Variants in KAT14 observed in about 807,000 individuals in gnomAD.
KAT14 encodes the protein lysine acetyltransferase 14, also known as cysteine-rich protein 2-binding protein.
A neutral mutation model predicts 78.4 loss-of-function variants in KAT14; 66 were observed. The ratio of observed to expected loss-of-function variants is 0.84; its 90% CI spans 0.69 to 1.03. KAT14 has a LOEUF of 1.03. Ranked by LOEUF, KAT14 falls within the 50% of genes least tolerant of loss-of-function variation. The probability of loss-of-function intolerance (pLI) is 0.00; values close to 1 mark genes in which losing one functional copy is unlikely to be tolerated. For synonymous variants in KAT14, 344 were observed against 359.4 expected, an observed-to-expected ratio of 0.96 and a Z score of 0.48; for missense variants, 870 against 972.5, an observed-to-expected ratio of 0.89 and a Z score of 1.40.
chr20:18,145,497 G>A (rs1741019629), intron 3 of KAT14, 146 bp downstream of exon 3: 13 of 1,274,320 alleles, frequency 1.0e-5, no homozygotes, highest in African/African-American at 1.5e-5. Context: ...CCGAATATGT[G>A]GAGAAGGGAG....
At chr20:18,183,034 G>C in intron 8 of KAT14, 89 bp from the exon 9 acceptor site, 1 of 1,501,490 alleles carries the variant, frequency 6.7e-7, no homozygotes, top group Non-Finnish European at 8.9e-7. Flanking sequence ...GTTTCAAGCA[G>C]ATCAAAGAGT....
chr20:18,169,095 C>T (rs887897035), intron 7 of KAT14, among the ~76,000 whole-genome samples: 6 of 152,012 alleles, frequency 3.9e-5, no homozygotes, highest in African/African-American at 1.4e-4. Context: ...TACAAATAAG[C>T]CCATCATCAA....
At chr20:18,148,166 C>T (rs2146363959) in intron 3 of KAT14, among the ~76,000 whole-genome samples, 1 of 152,288 alleles carries the variant, frequency 6.6e-6, no homozygotes, top group East Asian at 1.9e-4. Context: ...AAATTTTAAA[C>T]TTTGAAAGAT....
At position 18,142,450 on chromosome 20, in the gene KAT14, G is replaced by C; in HGVS notation, c.-211G>C. The C allele has an allele frequency of 6.9e-7, 1 of 1,456,928 alleles. No homozygotes were observed. The highest frequency in any genetic ancestry group is 1.5e-5 in the South Asian group (1 of 68,546). 90.3% of individuals were successfully genotyped at this position (1,456,928 alleles called of 1,614,324 possible). On this transcript the variant is annotated 5_prime_UTR_variant, in exon 2 of 11. Transcript: ENST00000688188. ...TAGTAGTATCTTCATCTTTTTTTTT[G>C]GTCACTGTCCTTTTAAACTTGATCA... is the stretch of plus-strand genomic sequence containing the variant.
At chr20:18,145,373 A>G (rs2037787823) in intron 3 of KAT14, 22 bp downstream of exon 3, 1 of 1,613,148 alleles carries the variant, frequency 6.2e-7, no homozygotes, top group African/African-American at 1.3e-5. Flanking sequence ...GCCCTTCCCC[A>G]AATCCATGAG....
chr20:18,139,642 G>A (rs1416506994), intron 1 of KAT14, among the ~76,000 whole-genome samples: 4 of 76,976 alleles, frequency 5.2e-5, no homozygotes, highest in Non-Finnish European at 9.7e-5. Flanking sequence ...ACGTGTGTGT[G>A]TGTGTGTGTG....
chr20:18,169,314 A>C (rs1410904375), intron 7 of KAT14, among the ~76,000 whole-genome samples: 1 of 152,172 alleles, frequency 6.6e-6, no homozygotes, highest in Non-Finnish European at 1.5e-5. Context: ...ATTTTGTACA[A>C]ATGGAAGGTT....
At chr20:18,152,528 G>A (rs1374887630) in intron 4 of KAT14, among the ~76,000 whole-genome samples, 1 of 152,240 alleles carries the variant, frequency 6.6e-6, no homozygotes, top group African/African-American at 2.4e-5. Flanking sequence ...AGTGAGCTGA[G>A]ATGGGGCCAC....
chr20:18,140,256 G>GCA (rs1462991954), intron 1 of KAT14, among the ~76,000 whole-genome samples: 1 of 151,950 alleles, frequency 6.6e-6, no homozygotes, highest in Non-Finnish European at 1.5e-5. Context: ...AGTGGAATAA[G>GCA]CACCTCCGTT....
intron 8 of KAT14, among the ~76,000 whole-genome samples, chr20:18,182,204 C>T (rs1009396942): frequency 6.6e-6 from 1 of 151,992 alleles, no homozygotes; most frequent in African/African-American, 2.4e-5. Context: ...TCACTGTAAC[C>T]TCTGCCTCCG....
chr20:18,144,264 T>A (rs2037731550), intron 2 of KAT14, among the ~76,000 whole-genome samples: 1 of 152,022 alleles, frequency 6.6e-6, no homozygotes, highest in South Asian at 2.1e-4. Context: ...GAGCGGTCTC[T>A]GTTATTGATT....
At position 18,159,076 on chromosome 20, in the gene KAT14, C is replaced by T. The variant is rs1429622160; in HGVS notation, c.501-8C>T. On this transcript the variant is annotated splice_region_variant and splice_polypyrimidine_tract_variant and intron_variant, in intron 4 of 10. Transcript: ENST00000688188. ...TGCCAATCATTTTTAAATTCTTGGA[C>T]TCTTTAGGAAAAAGACGTCTACCTG... is the stretch of plus-strand genomic sequence containing the variant. 1 of 1,591,114 alleles carries T rather than the reference C, an allele frequency of 6.3e-7. No individual in the cohort carries two copies. The highest frequency in any genetic ancestry group is 8.5e-7 in the Non-Finnish European group (1 of 1,173,364).
In KAT14 at chr20:18,143,083, G is replaced by A. The variant is rs1397490664; in HGVS notation, c.259+164G>A. 5 of 1,407,188 alleles carry A rather than the reference G, an allele frequency of 3.6e-6. No individual in the cohort carries two copies. The South Asian group carries it at 4.7e-5, about 13-fold the overall frequency. 87.2% of individuals were successfully genotyped at this position (1,407,188 alleles called of 1,614,324 possible). On this transcript the variant is annotated intron_variant, in intron 2 of 10. Transcript: ENST00000688188. ...ATTTATATAAAACATAGGCATGTTT[G>A]TACTAATGAAACGTACTGTCAACCT...
Position 18,174,963 on chromosome 20 carries a change from C to T in KAT14, c.1669-6747C>T, listed in dbSNP as rs113240121. Among the ~76,000 whole-genome samples the T allele has an allele frequency of 9.9e-5, 15 of 152,150 alleles. 1 individual carries two copies. The highest frequency in any genetic ancestry group is 4.2e-4 in the South Asian group (2 of 4,816). On this transcript the variant is annotated intron_variant, in intron 7 of 10. Coordinates refer to ENST00000688188, the MANE Select transcript of KAT14 (RefSeq NM_001392073.1). ...TACAGGCATGAGCCACCGCGCCCGG[C>T]GATTTTCTTGCACTTTTTATTTATG...
At chr20:18,138,585 C>A in intron 1 of KAT14, 1 of 423,396 alleles carries the variant, frequency 2.4e-6, no homozygotes, top group Non-Finnish European at 3.2e-6. Context: ...CGTACTCACT[C>A]TCCATGCCTT....
At chr20:18,183,768 A>G (rs1260263787) in intron 9 of KAT14, among the ~76,000 whole-genome samples, 1 of 152,242 alleles carries the variant, frequency 6.6e-6, no homozygotes, top group Non-Finnish European at 1.5e-5. Flanking sequence ...AACCCAATAT[A>G]ATTTGTCATT....
Position 18,141,035 on chromosome 20 carries a change from T to G in KAT14, c.-453-1173T>G, listed in dbSNP as rs1334388239. Among the ~76,000 whole-genome samples, 12 of 19,758 alleles carry G rather than the reference T, an allele frequency of 6.1e-4. No homozygotes were observed. The South Asian group carries it at 0.011, about 17-fold the overall frequency. 13.0% of individuals were successfully genotyped at this position (19,758 alleles called of 152,430 possible). Reference sequence around the variant, plus strand: ...ACCACTCCCTGCAATTTTTTTTTTTTTTTTTTTTTTTATTTTTATTTTTGC... The same window carrying G: ...ACCACTCCCTGCAATTTTTTTTTTTGTTTTTTTTTTTATTTTTATTTTTGC... On this transcript the variant is annotated intron_variant, in intron 1 of 10. Transcript: ENST00000688188.
intron 7 of KAT14, among the ~76,000 whole-genome samples, chr20:18,175,494 C>A (rs1177128542): frequency 6.6e-6 from 1 of 152,118 alleles, no homozygotes; most frequent in Non-Finnish European, 1.5e-5. Flanking sequence ...TCGTACCCAG[C>A]CACCTGTCGC....
At position 18,139,632 on chromosome 20, in the gene KAT14, A is replaced by AGGTGTGTGTG. The variant is rs1203664163; in HGVS notation, c.-454+1581_-454+1582insGGTGTGTGTG. ...AAGTTAGAGCTGAAGAACCAAAATA[A>AGGTGTGTGTG]CGTGTGTGTGTGTGTGTGTGTGTGT... is the stretch of plus-strand genomic sequence containing the variant. On this transcript the variant is annotated intron_variant, in intron 1 of 10. Transcript: ENST00000688188. 4.3e-3 allele frequency among the ~76,000 whole-genome samples: 434 copies of AGGTGTGTGTG among 99,850 alleles called. 3 individuals carry two copies. Among genetic ancestry groups the AGGTGTGTGTG allele is most frequent in the South Asian group, 8.3e-3 (22 of 2,642 alleles). 65.5% of individuals were successfully genotyped at this position (99,850 alleles called of 152,430 possible). A position where few individuals can be genotyped will look rare whatever the true frequency, so the allele number is the denominator to read the frequency against.
Sources: allele counts gnomAD v4.1 joint callset (sites outside exome capture counted in the v4.1 genomes callset), GRCh38; gene constraint gnomAD v4.1.1; transcripts MANE v1.5; gene names NCBI Gene and HGNC (gene_info 2026-07-23, HGNC 2026-07-21).